XIAP: variants seen among roughly 807,000 people sequenced by gnomAD.
XIAP encodes E3 ubiquitin-protein ligase XIAP.
XIAP carries 3 observed loss-of-function variants against 33.1 expected under a neutral mutation model. The observed-to-expected ratio is 0.09, with a 90% CI of 0.04 to 0.23. The LOEUF is 0.23. XIAP is among the 10% of genes least tolerant of loss of function. The pLI, the probability that XIAP is intolerant of heterozygous loss-of-function variation, is 1.00. For missense variants in XIAP, 264 were observed against 363.0 expected (o/e 0.73, Z 2.22); for synonymous variants, 98 against 121.3 (o/e 0.81, Z 1.26).
At chrX:123,887,565 C>T (rs774937691) in intron 2 of XIAP, among the ~76,000 whole-genome samples, 2 of 112,302 alleles carry the variant, frequency 1.8e-5, no homozygotes, top group Non-Finnish European at 3.7e-5. Context: ...TAGCTATAAA[C>T]TTAGAGAAAC....
chrX:123,883,796 GT>G (rs1243245316), intron 1 of XIAP, among the ~76,000 whole-genome samples: 2 of 110,488 alleles, frequency 1.8e-5, no homozygotes. Context: ...ATGCCCGGCT[GT>G]TTTTTTTAAG....
rs773435477 is a variant in XIAP at position 123,908,544 on chromosome X, G to A, written c.*1363G>A. ...CATGTTGAGATTCTCATATCATCTTGTATCTTAAAGTTTCATGTGAGTTTT... is the reference window on the plus strand; with the variant it reads ...CATGTTGAGATTCTCATATCATCTTATATCTTAAAGTTTCATGTGAGTTTT... On this transcript the variant is annotated 3_prime_UTR_variant, in exon 7 of 7. Coordinates refer to ENST00000371199, the MANE Select transcript of XIAP (RefSeq NM_001167.4). 1.9e-4 allele frequency: 70 copies of A among 361,052 alleles called. No individual in the cohort carries two copies. The East Asian group carries it at 4.1e-3, about 21-fold the overall frequency. The allele number at this position is 361,052 out of a possible 1,213,427, so 29.8% of individuals were successfully genotyped here.
At chrX:123,873,718 G>C (rs1240067909) in intron 1 of XIAP, 3 of 109,139 alleles carry the variant, frequency 2.7e-5, no homozygotes, top group African/African-American at 1.0e-4. Flanking sequence ...TTGAGGTGAG[G>C]AGTTTCGAGC....
chrX:123,863,972 G>C (rs1454571388), intron 1 of XIAP, among the ~76,000 whole-genome samples: 1 of 110,891 alleles, frequency 9.0e-6, no homozygotes, highest in East Asian at 2.8e-4. Flanking sequence ...GGCTGACAAA[G>C]TAATAATATC....
chrX:123,888,779 A>T, intron 3 of XIAP, 61 bp downstream of exon 3: 1 of 1,014,525 alleles, frequency 9.9e-7, no homozygotes, highest in Non-Finnish European at 1.4e-6. Flanking sequence ...GGAGACTTGA[A>T]TTACTTTTTA....
In XIAP at chrX:123,886,387, A is replaced by T; in HGVS notation, c.725A>T (p.Asp242Val). 8.3e-7 allele frequency: 1 copy of T among 1,211,901 alleles called. No individual in the cohort carries two copies. The highest frequency in any genetic ancestry group is 1.1e-6 in the Non-Finnish European group (1 of 895,601). ...GRNLNIRSES[D>V]AVSSDRNFPN... Reference sequence around the variant, plus strand: ...AATCTTAATATTCGAAGTGAATCTGATGCTGTGAGTTCTGATAGGAATTTC... The same window carrying T: ...AATCTTAATATTCGAAGTGAATCTGTTGCTGTGAGTTCTGATAGGAATTTC... The change falls in exon 2 of 7, where the codon GAT becomes GTT. Residue 242 changes from aspartate to valine, a missense_variant. Asp to Val is a radical substitution (Grantham distance 152). Transcript: ENST00000371199.
Position 123,908,133 on chromosome X carries a change from C to A in XIAP, c.*952C>A, listed in dbSNP as rs916334566. On this transcript the variant is annotated 3_prime_UTR_variant, in exon 7 of 7. Transcript: ENST00000371199. Reference sequence around the variant, plus strand: ...TAGGCATGTTCAAACGCCTGCAAAACTACTTATCACTCAGCTTTAGTTTTT... The same window carrying A: ...TAGGCATGTTCAAACGCCTGCAAAAATACTTATCACTCAGCTTTAGTTTTT... 5 of 362,748 alleles carry A rather than the reference C, an allele frequency of 1.4e-5. No individual in the cohort carries two copies. Among genetic ancestry groups the A allele is most frequent in the Non-Finnish European group, 2.6e-5 (5 of 190,736 alleles). The allele number at this position is 362,748 out of a possible 1,213,427, so 29.9% of individuals were successfully genotyped here.
At chrX:123,871,163 G>A (rs930830932) in intron 1 of XIAP, among the ~76,000 whole-genome samples, 2 of 110,617 alleles carry the variant, frequency 1.8e-5, no homozygotes, top group East Asian at 2.8e-4. Flanking sequence ...GGGTGGTCTC[G>A]AACTCCTGAC....
At chrX:123,860,508 C>T (rs1041565183) in intron 1 of XIAP, 24 of 255,286 alleles carry the variant, frequency 9.4e-5, no homozygotes, top group Middle Eastern at 1.4e-3. Context: ...TGACTTCAGG[C>T]CTGCAGGATT....
intron 5 of XIAP, among the ~76,000 whole-genome samples, chrX:123,896,447 A>G (rs2053460826): frequency 9.0e-6 from 1 of 111,522 alleles, no homozygotes; most frequent in Admixed American, 9.7e-5. Flanking sequence ...TTGAGTTAAA[A>G]GAGATCTTTA....
chrX:123,864,265 C>T (rs766976812), intron 1 of XIAP, among the ~76,000 whole-genome samples: 6 of 51,213 alleles, frequency 1.2e-4, no homozygotes, highest in Admixed American at 1.1e-3. Context: ...AAATGTTTAG[C>T]GATAAAATAA....
At chrX:123,881,756 ATTTT>A (rs35412191) in intron 1 of XIAP, among the ~76,000 whole-genome samples, 1 of 90,487 alleles carries the variant, frequency 1.1e-5, no homozygotes, top group Admixed American at 1.2e-4. Flanking sequence ...TTATACTTCT[ATTTT>A]TTTTTTTTTT....
At chrX:123,888,185 A>G (rs28382728) in intron 2 of XIAP, among the ~76,000 whole-genome samples, 21,095 of 109,173 alleles carry the variant, frequency 0.19, 1,475 homozygotes, top group South Asian at 0.39. Context: ...GATATAAAAA[A>G]TTAGCCGGGT....
At chrX:123,900,459 C>G (rs760211816) in intron 5 of XIAP, 34 bp from the exon 6 acceptor site, 4 of 1,112,058 alleles carry the variant, frequency 3.6e-6, no homozygotes, top group Non-Finnish European at 4.9e-6. Context: ...TGTTTAAATT[C>G]TATGTTCTTT....
intron 5 of XIAP, among the ~76,000 whole-genome samples, chrX:123,894,007 G>A (rs1311928593): frequency 8.9e-6 from 1 of 111,811 alleles, no homozygotes; most frequent in Non-Finnish European, 1.9e-5. Context: ...TTGTACCTGG[G>A]GTTCCTTAAG....
At position 123,885,680 on chromosome X, in the gene XIAP, T is replaced by C. The variant is rs2053344531; in HGVS notation, c.18T>C (p.Phe6=). The change falls in exon 2 of 7, where the codon TTT becomes TTC. Residue 6 remains phenylalanine, a synonymous_variant. Transcript: ENST00000371199. MTFNS[F]EGSKTCVPAD... The stretch of plus-strand genomic sequence containing the variant: ...AAGAGAAGATGACTTTTAACAGTTT[T>C]GAAGGATCTAAAACTTGTGTACCTG... 2 of 1,210,613 alleles carry C rather than the reference T, an allele frequency of 1.7e-6. No homozygotes were observed. Among genetic ancestry groups the C allele is most frequent in the African/African-American group, 3.5e-5 (2 of 57,862 alleles).
intron 1 of XIAP, among the ~76,000 whole-genome samples, chrX:123,881,757 T>G (rs1244905419): frequency 8.1e-5 from 3 of 36,816 alleles, no homozygotes; most frequent in African/African-American, 3.3e-4. Flanking sequence ...TATACTTCTA[T>G]TTTTTTTTTT....
Position 123,913,232 on chromosome X carries a change from G to C in XIAP, c.*6051G>C. 3.0e-6 allele frequency: 1 copy of C among 329,104 alleles called. No homozygotes were observed. Among genetic ancestry groups the C allele is most frequent in the Non-Finnish European group, 5.9e-6 (1 of 169,880 alleles). The allele number at this position is 329,104 out of a possible 1,213,427, so 27.1% of individuals were successfully genotyped here. A position where few individuals can be genotyped will look rare whatever the true frequency, so the allele number is the denominator to read the frequency against. On this transcript the variant is annotated 3_prime_UTR_variant, in exon 7 of 7. Coordinates refer to ENST00000371199, the MANE Select transcript of XIAP (RefSeq NM_001167.4). ...CACGCCTGTAATCCCAGCAGTTTCC[G>C]AGGCTGAGGCAGGCGGCTCACCTGA...
intron 5 of XIAP, among the ~76,000 whole-genome samples, chrX:123,897,468 A>T (rs1323048701): frequency 9.1e-6 from 1 of 110,346 alleles, no homozygotes; most frequent in Non-Finnish European, 1.9e-5. Context: ...TAGCAAGTTG[A>T]GTTTGAGATA....
Sources: gnomAD v4.1 joint callset for allele counts (sites outside exome capture counted in the v4.1 genomes callset) on GRCh38, gnomAD v4.1.1 for gene constraint, MANE v1.5 for transcripts, NCBI Gene and HGNC (gene_info 2026-07-23, HGNC 2026-07-21) for gene names.